The following QSER1 variants were observed in gnomAD, a reference collection of about 807,000 sequenced individuals.
The protein encoded by QSER1 is glutamine and serine-rich protein 1.
Under a neutral mutation model 158.5 loss-of-function variants are expected in QSER1, and 49 were observed. That is an observed-to-expected ratio of 0.31 (90% CI 0.25 to 0.39). The LOEUF (loss-of-function observed/expected upper bound fraction) is 0.39. Ranked by LOEUF, QSER1 falls within the 10% of genes least tolerant of loss-of-function variation. The pLI is 1.00. For synonymous variants in QSER1, 650 were observed against 715.5 expected (o/e 0.91, Z 1.46); for missense variants, 1,754 against 2,010.3 (o/e 0.87, Z 2.44).
intron 9 of QSER1, 79 bp downstream of exon 9, chr11:32,966,516 T>C (rs577830130): frequency 7.6e-7 from 1 of 1,310,280 alleles, no homozygotes; most frequent in Non-Finnish European, 1.1e-6. Flanking sequence ...AGTTATATGT[T>C]TATATGTGAC....
chr11:32,913,196 T>TTG (rs1284163058), intron 1 of QSER1, among the ~76,000 whole-genome samples: 2 of 136,112 alleles, frequency 1.5e-5, no homozygotes, highest in Non-Finnish European at 3.1e-5. Flanking sequence ...TTTTTTTTTT[T>TTG]TTTTTTTTTT....
At chr11:32,958,414 G>A (rs553714576) in intron 8 of QSER1, among the ~76,000 whole-genome samples, 1 of 151,570 alleles carries the variant, frequency 6.6e-6, no homozygotes, top group African/African-American at 2.4e-5. Context: ...TTGAGACAAG[G>A]TTTCATTCTG....
rs1852072434 is a variant in QSER1, at chr11:32,932,813, C to T, written c.1555C>T (p.Gln519Ter). Residue 519 changes from glutamine to a stop codon, truncating the protein, a stop_gained, in exon 4 of 13, where the codon CAG (glutamine) becomes TAG (stop). Transcript: ENST00000650167. LOFTEE classifies it high-confidence loss of function. ...ATCTCAGACTGTAACTCCTGAAAAT[C>T]AGACGCTTAATTATTCATCTAATCA... The part of the protein sequence containing the change: ...GSSQTVTPEN[Q>*]TLNYSSNQQE... 2 of 1,613,902 alleles carry T rather than the reference C, an allele frequency of 1.2e-6. No individual in the cohort carries two copies. Among genetic ancestry groups the T allele is most frequent in the Non-Finnish European group, 1.7e-6 (2 of 1,179,900 alleles).
intron 1 of QSER1, among the ~76,000 whole-genome samples, chr11:32,911,210 C>T (rs1851761342): frequency 6.6e-6 from 1 of 151,994 alleles, no homozygotes; most frequent in Admixed American, 6.6e-5. Flanking sequence ...ATCTGCATCT[C>T]AGGTAATTGA....
chr11:32,978,192 T>G lies in QSER1; in HGVS notation c.*1718T>G, dbSNP rs562412949. 58 of 152,742 alleles carry G rather than the reference T, an allele frequency of 3.8e-4. No individual in the cohort carries two copies. Among genetic ancestry groups the G allele is most frequent in the African/African-American group, 1.3e-3 (54 of 41,564 alleles). The allele number at this position is 152,742 out of a possible 1,614,324, so 9.5% of individuals were successfully genotyped here. On this transcript the variant is annotated 3_prime_UTR_variant, in exon 13 of 13. Transcript: ENST00000650167. The stretch of plus-strand genomic sequence containing the variant: ...GGGTTAAATGTTCCATTTTTGAAAG[T>G]TTTAAAAAACCTGTTTGGGTGGTTT...
At position 32,977,845 on chromosome 11, in the gene QSER1, AT is replaced by A. The variant is rs745374928; in HGVS notation, c.*1375del. The A allele has an allele frequency of 6.6e-6, 1 of 152,570 alleles. No individual in the cohort carries two copies. 9.5% of individuals were successfully genotyped at this position (152,570 alleles called of 1,614,324 possible). ...GAAGTTAATCATCATCCTTTTGTTTATTTTACCACCATTTAGTGCCTTAAAT... is the reference window on the plus strand; with the variant it reads ...GAAGTTAATCATCATCCTTTTGTTTATTTACCACCATTTAGTGCCTTAAAT... On this transcript the variant is annotated 3_prime_UTR_variant, in exon 13 of 13. Coordinates refer to ENST00000650167, the MANE Select transcript of QSER1 (RefSeq NM_001076786.3).
At position 32,892,976 on chromosome 11, in the gene QSER1, C is replaced by T. The variant is rs1466844922; in HGVS notation, c.-150C>T. Among the ~76,000 whole-genome samples the T allele has an allele frequency of 6.8e-6, 1 of 148,006 alleles. No homozygotes were observed. The highest frequency in any genetic ancestry group is 1.5e-5 in the Non-Finnish European group (1 of 66,414). ...CAGACTCGCCAGCGCGCCCTTCTCC[C>T]GCCTGCTCGCCGGGGCCATGTGAGG... is the stretch of plus-strand genomic sequence containing the variant. On this transcript the variant is annotated 5_prime_UTR_variant, in exon 1 of 13. Transcript: ENST00000650167.
At chr11:32,964,079 C>T (rs1289381382) in intron 8 of QSER1, among the ~76,000 whole-genome samples, 1 of 152,050 alleles carries the variant, frequency 6.6e-6, no homozygotes, top group African/African-American at 2.4e-5. Context: ...CTCAAACAGT[C>T]CTCCTACTTC....
intron 1 of QSER1, among the ~76,000 whole-genome samples, chr11:32,900,714 G>A (rs1851614270): frequency 6.6e-6 from 1 of 152,140 alleles, no homozygotes; most frequent in South Asian, 2.1e-4. Flanking sequence ...AAGATTATTT[G>A]TGTCTTAGGA....
chr11:32,907,494 G>A (rs1027497703), intron 1 of QSER1, among the ~76,000 whole-genome samples: 1 of 152,026 alleles, frequency 6.6e-6, no homozygotes, highest in Non-Finnish European at 1.5e-5. Flanking sequence ...TCAAACAAGG[G>A]AGAAAATTTA....
chr11:32,896,716 A>G (rs1344274533), intron 1 of QSER1, among the ~76,000 whole-genome samples: 1 of 152,070 alleles, frequency 6.6e-6, no homozygotes, highest in Non-Finnish European at 1.5e-5. Flanking sequence ...ACTTGAAATA[A>G]CTTTTGGCAC....
intron 11 of QSER1, among the ~76,000 whole-genome samples, chr11:32,973,898 C>T (rs1590191264): frequency 6.6e-6 from 1 of 152,018 alleles, no homozygotes; most frequent in East Asian, 1.9e-4. Flanking sequence ...TGTGAAATGG[C>T]TAATTCAAAC....
Position 32,932,455 on chromosome 11 carries a change from A to T in QSER1, c.1197A>T (p.Ser399=). ...AGTCTTACTCATCTGCGATTCCATCATCAGGGTATCCTCCTTCTACTACAA... is the reference window on the plus strand; with the variant it reads ...AGTCTTACTCATCTGCGATTCCATCTTCAGGGTATCCTCCTTCTACTACAA... ...LAQSYSSAIP[S]SGYPPSTTKI... is the part of the protein sequence containing the mutation. The change falls in exon 4 of 13, where the codon TCA becomes TCT. Residue 399 remains serine, a synonymous_variant. Coordinates refer to ENST00000650167, the MANE Select transcript of QSER1 (RefSeq NM_001076786.3). 1 of 1,613,602 alleles carries T rather than the reference A, an allele frequency of 6.2e-7. No homozygotes were observed. Among genetic ancestry groups the T allele is most frequent in the Non-Finnish European group, 8.5e-7 (1 of 1,180,002 alleles).
At chr11:32,967,253 CACTT>C (rs1852766047) in intron 9 of QSER1, among the ~76,000 whole-genome samples, 1 of 152,122 alleles carries the variant, frequency 6.6e-6, no homozygotes, top group African/African-American at 2.4e-5. Context: ...CACATGTTCT[CACTT>C]ATAAGTGGGA....
chr11:32,950,703 C>T (rs929515471), intron 4 of QSER1, among the ~76,000 whole-genome samples: 8 of 152,210 alleles, frequency 5.3e-5, no homozygotes, highest in African/African-American at 1.9e-4. Context: ...CAGCTATAGG[C>T]AACCACAAAT....
At chr11:32,903,875 G>A (rs1254428155) in intron 1 of QSER1, among the ~76,000 whole-genome samples, 1 of 152,082 alleles carries the variant, frequency 6.6e-6, no homozygotes, top group Admixed American at 6.5e-5. Flanking sequence ...GCCTCCCATA[G>A]TGCTGGGATT....
rs762648155 is a variant in QSER1, at chr11:32,932,410, G to T, written c.1152G>T (p.Gln384His). ...SNGGLQQKTSQVSVELAQSYS... is the reference protein window; with the variant it reads ...SNGGLQQKTSHVSVELAQSYS... Reference sequence around the variant, plus strand: ...GAGGATTACAACAGAAGACCTCCCAGGTCTCAGTGGAACTTGCTCAGTCTT... The same window carrying T: ...GAGGATTACAACAGAAGACCTCCCATGTCTCAGTGGAACTTGCTCAGTCTT... The change falls in exon 4 of 13, where the codon CAG becomes CAT. Residue 384 changes from glutamine to histidine, a missense_variant. Transcript: ENST00000650167. 19 of 1,612,734 alleles carry T rather than the reference G, an allele frequency of 1.2e-5. No individual in the cohort carries two copies. Among genetic ancestry groups the T allele is most frequent in the Middle Eastern group, 1.6e-4 (1 of 6,084 alleles).
At chr11:32,908,276 CTT>C (rs1408695513) in intron 1 of QSER1, among the ~76,000 whole-genome samples, 1 of 152,172 alleles carries the variant, frequency 6.6e-6, no homozygotes, top group Admixed American at 6.5e-5. Flanking sequence ...CTTGGTGGCT[CTT>C]GTTATCATGG....
Position 32,978,214 on chromosome 11 carries a change from GT to G in QSER1, c.*1743del, listed in dbSNP as rs1853010210. On this transcript the variant is annotated 3_prime_UTR_variant, in exon 13 of 13. Transcript: ENST00000650167. ...AAGTTTTAAAAAACCTGTTTGGGTG[GT>G]TTATTTTGAAAACAAAAGTAACCTA... 6.6e-6 allele frequency: 1 copy of G among 152,560 alleles called. No individual in the cohort carries two copies. Among genetic ancestry groups the G allele is most frequent in the Non-Finnish European group, 1.5e-5 (1 of 68,016 alleles). 9.5% of individuals were successfully genotyped at this position (152,560 alleles called of 1,614,324 possible). A position where few individuals can be genotyped will look rare whatever the true frequency, so the allele number is the denominator to read the frequency against.
Sources: gnomAD v4.1 joint callset for allele counts (sites outside exome capture counted in the v4.1 genomes callset) on GRCh38, gnomAD v4.1.1 for gene constraint, MANE v1.5 for transcripts, NCBI Gene and HGNC (gene_info 2026-07-23, HGNC 2026-07-21) for gene names.